Variants in ZFYVE1 observed in about 807,000 individuals in gnomAD.
ZFYVE1 encodes zinc finger FYVE domain-containing protein 1.
Under a neutral mutation model 74.4 loss-of-function variants are expected in ZFYVE1, and 30 were observed. That is an observed-to-expected ratio of 0.40 (90% CI 0.30 to 0.55). ZFYVE1 has a LOEUF of 0.55. ZFYVE1 is among the 20% of genes least tolerant of loss of function. ZFYVE1 has a pLI of 0.42. For synonymous variants in ZFYVE1, 335 were observed against 385.1 expected (o/e 0.87, Z 1.52); for missense variants, 703 against 1,011.6 (o/e 0.69, Z 4.14).
chr14:72,978,783 G>T (rs1475047755), intron 6 of ZFYVE1, 78 bp downstream of exon 6: 4 of 1,162,466 alleles, frequency 3.4e-6, no homozygotes, highest in Non-Finnish European at 5.2e-6. Context: ...AGCAAAAAAT[G>T]GCCCCAAGAT....
At chr14:72,981,645 G>A (rs189175483) in intron 5 of ZFYVE1, 144 bp downstream of exon 5, 31 of 738,548 alleles carry the variant, frequency 4.2e-5, no homozygotes, top group East Asian at 4.2e-4. Context: ...ACATGGGAGT[G>A]TACCATTTTG....
intron 2 of ZFYVE1, among the ~76,000 whole-genome samples, chr14:73,021,993 C>G (rs912519024): frequency 1.3e-5 from 2 of 152,186 alleles, no homozygotes; most frequent in Non-Finnish European, 2.9e-5. Flanking sequence ...CCCAAAGCTT[C>G]CCCTCATTTG....
chr14:72,997,087 C>T (rs1893766307), intron 3 of ZFYVE1, among the ~76,000 whole-genome samples: 1 of 152,178 alleles, frequency 6.6e-6, no homozygotes, highest in Non-Finnish European at 1.5e-5. Context: ...ATATTGTCTA[C>T]TTTCTTTCCC....
chr14:72,969,771 C>T lies in ZFYVE1; in HGVS notation c.*1111G>A, dbSNP rs1323419759. On this transcript the variant is annotated 3_prime_UTR_variant, in exon 12 of 12. Coordinates refer to ENST00000556143, the MANE Select transcript of ZFYVE1 (RefSeq NM_021260.4). ...AGATGTCCAGGCTCTTGAGGAGAAA[C>T]AAAAGTTCCTTTGACTTCTCTTGCA... 3 of 701,676 alleles carry T rather than the reference C, an allele frequency of 4.3e-6. No individual in the cohort carries two copies. Among genetic ancestry groups the T allele is most frequent in the Non-Finnish European group, 7.8e-6 (3 of 384,604 alleles). The allele number at this position is 701,676 out of a possible 1,614,324, so 43.5% of individuals were successfully genotyped here. A position where few individuals can be genotyped will look rare whatever the true frequency, so the allele number is the denominator to read the frequency against.
At chr14:72,977,827 C>T (rs77288334) in intron 8 of ZFYVE1, 100 bp downstream of exon 8, 40,636 of 1,267,326 alleles carry the variant, frequency 0.032, 814 homozygotes, top group Middle Eastern at 0.068. Context: ...TTCTGAAATT[C>T]ATGGTTAACC....
chr14:72,980,164 C>G (rs1455144659), intron 5 of ZFYVE1, among the ~76,000 whole-genome samples: 4 of 152,218 alleles, frequency 2.6e-5, no homozygotes, highest in Admixed American at 1.3e-4. Context: ...CTTGCCCAGG[C>G]TGTATAATCC....
At chr14:72,991,490 CT>C (rs201465310) in intron 4 of ZFYVE1, among the ~76,000 whole-genome samples, 8,596 of 152,110 alleles carry the variant, frequency 0.057, 326 homozygotes, top group Non-Finnish European at 0.089. Context: ...CGCCCGGCCC[CT>C]GATGGTCTTA....
At chr14:72,996,333 C>CAT (rs1213136745) in intron 3 of ZFYVE1, among the ~76,000 whole-genome samples, 1 of 152,174 alleles carries the variant, frequency 6.6e-6, no homozygotes, top group Non-Finnish European at 1.5e-5. Flanking sequence ...ATGGAGAATG[C>CAT]ATTGAAGGGA....
intron 11 of ZFYVE1, 29 bp from the exon 12 acceptor site, chr14:72,971,143 C>A: frequency 6.2e-7 from 1 of 1,612,514 alleles, no homozygotes; most frequent in Non-Finnish European, 8.5e-7. Context: ...GTCAGGGCAC[C>A]CAAAGCCCAA....
chr14:72,992,898 C>G (rs1449741146), intron 4 of ZFYVE1, among the ~76,000 whole-genome samples: 1 of 152,126 alleles, frequency 6.6e-6, no homozygotes, highest in Non-Finnish European at 1.5e-5. Context: ...GAAATGAGTG[C>G]CTGGTTTTTC....
chr14:72,999,585 G>A (rs1893825807), intron 2 of ZFYVE1, among the ~76,000 whole-genome samples: 1 of 150,858 alleles, frequency 6.6e-6, no homozygotes, highest in African/African-American at 2.4e-5. Flanking sequence ...AAAAAAAAAA[G>A]ACAATGAAAA....
At chr14:73,025,422 G>A (rs949453117) in intron 1 of ZFYVE1, among the ~76,000 whole-genome samples, 4 of 151,794 alleles carry the variant, frequency 2.6e-5, no homozygotes, top group East Asian at 1.9e-4. Flanking sequence ...ATAGCCAGGC[G>A]CAGTGGCTCA....
chr14:73,017,324 G>A (rs1207277948), intron 2 of ZFYVE1, among the ~76,000 whole-genome samples: 1 of 152,190 alleles, frequency 6.6e-6, no homozygotes. Flanking sequence ...TGTCCTGCCT[G>A]TGGTTTTAAG....
chr14:72,987,470 C>T (rs1461586776), intron 4 of ZFYVE1, among the ~76,000 whole-genome samples: 1 of 151,852 alleles, frequency 6.6e-6, no homozygotes, highest in African/African-American at 2.4e-5. Context: ...TGAGAGGCTG[C>T]GGTGGGATGA....
chr14:72,975,736 C>T lies in ZFYVE1; in HGVS notation c.1636-15G>A. ...AACCCATCAGTCTGAAATGAAAACG[C>T]AGGCTTCCATCATGCTCTGAGAAGG... On this transcript the variant is annotated splice_polypyrimidine_tract_variant and intron_variant, in intron 8 of 11. Transcript: ENST00000556143. This position sits in a 1 kb window ranked among gnomAD's most constrained non-coding sequence, Gnocchi z 4.1. 1.2e-6 allele frequency: 2 copies of T among 1,612,566 alleles called. No individual in the cohort carries two copies. The highest frequency in any genetic ancestry group is 2.2e-5 in the East Asian group (1 of 44,876).
intron 5 of ZFYVE1, chr14:72,979,371 G>C (rs1451443268): frequency 5.1e-6 from 1 of 197,408 alleles, no homozygotes; most frequent in African/African-American, 2.3e-5. Flanking sequence ...ATGGTGGCGG[G>C]CACCCATAGT....
intron 10 of ZFYVE1, 52 bp downstream of exon 10, chr14:72,974,727 C>T: frequency 6.4e-7 from 1 of 1,552,016 alleles, no homozygotes; most frequent in African/African-American, 1.4e-5. Flanking sequence ...CACCCAGGGC[C>T]AATGTGGGAG....
intron 5 of ZFYVE1, among the ~76,000 whole-genome samples, chr14:72,981,224 T>C (rs2140350121): frequency 6.6e-6 from 1 of 152,272 alleles, no homozygotes; most frequent in African/African-American, 2.4e-5. Context: ...AACATAGCAA[T>C]GCAGAGGTCC....
Position 72,970,922 on chromosome 14 carries a change from C to T in ZFYVE1, c.2294G>A (p.Arg765Gln), listed in dbSNP as rs1398064225. ...CTTTTTATTGCAGTTGAAGCAGACT[C>T]GGACGGGATGGTCCCAGCCACGAGA... Reference protein sequence around the residue: ...VPSRGWDHPVRVCFNCNKKPG... With the variant: ...VPSRGWDHPVQVCFNCNKKPG... The change falls in exon 12 of 12, where the codon CGA becomes CAA. Residue 765 changes from arginine (R) to glutamine (Q), a missense_variant. Arg to Gln is a conservative substitution (Grantham distance 43). This residue lies in a region of ZFYVE1 where 492 missense variants were observed against 790.0 expected (regional missense o/e 0.62). Transcript: ENST00000556143. The T allele has an allele frequency of 6.2e-7, 1 of 1,614,108 alleles. No homozygotes were observed. The highest frequency in any genetic ancestry group is 8.5e-7 in the Non-Finnish European group (1 of 1,180,054).
Sources: gnomAD v4.1 joint callset for allele counts (sites outside exome capture counted in the v4.1 genomes callset) on GRCh38, gnomAD v4.1.1 for gene constraint, gnomAD v4.1.1 regional missense constraint, Gnocchi (gnomAD v3.1) non-coding constraint, MANE v1.5 for transcripts, NCBI Gene and HGNC (gene_info 2026-07-23, HGNC 2026-07-21) for gene names.